The following SEMA3C variants were observed in gnomAD, a reference collection of about 807,000 sequenced individuals.
The protein encoded by SEMA3C is semaphorin-3C.
SEMA3C carries 47 observed loss-of-function variants against 89.4 expected under a neutral mutation model. The ratio of observed to expected loss-of-function variants is 0.53; its 90% confidence interval spans 0.42 to 0.67. The LOEUF is 0.67. Among genes scored for constraint, SEMA3C ranks in the 30% least tolerant of loss-of-function variants. The pLI is 0.00. For missense variants in SEMA3C, 839 were observed against 929.1 expected (o/e 0.90, Z 1.26); for synonymous variants, 310 against 320.2 (o/e 0.97, Z 0.34).
chr7:80,798,866 A>C (rs1789129552), intron 10 of SEMA3C, among the ~76,000 whole-genome samples: 1 of 152,196 alleles, frequency 6.6e-6, no homozygotes, highest in South Asian at 2.1e-4. Context: ...CCATTGTCCT[A>C]TGGCAGGTTG....
At chr7:80,745,735 CA>C (rs1188969117) in intron 17 of SEMA3C, among the ~76,000 whole-genome samples, 1 of 151,928 alleles carries the variant, frequency 6.6e-6, no homozygotes, top group Non-Finnish European at 1.5e-5. Flanking sequence ...AAATACTCGC[CA>C]GTGAAAACAT....
intron 2 of SEMA3C, among the ~76,000 whole-genome samples, chr7:80,912,655 A>G (rs2116244821): frequency 6.6e-6 from 1 of 152,290 alleles, no homozygotes; most frequent in Non-Finnish European, 1.5e-5. Context: ...TTTAATTGAA[A>G]CCATCATAAG....
intron 2 of SEMA3C, among the ~76,000 whole-genome samples, chr7:80,913,420 A>G (rs1393393030): frequency 1.3e-5 from 2 of 152,130 alleles, no homozygotes; most frequent in East Asian, 3.9e-4. Flanking sequence ...GAAAAGAAAA[A>G]ACAGGTAATC....
At chr7:80,810,402 A>G (rs886485502) in intron 6 of SEMA3C, among the ~76,000 whole-genome samples, 1 of 152,170 alleles carries the variant, frequency 6.6e-6, no homozygotes, top group Non-Finnish European at 1.5e-5. Flanking sequence ...GGGAATGACA[A>G]AACTGTCATA....
At chr7:80,863,471 T>C (rs181948630) in intron 2 of SEMA3C, among the ~76,000 whole-genome samples, 96 of 151,806 alleles carry the variant, frequency 6.3e-4, no homozygotes, top group African/African-American at 2.1e-3. Flanking sequence ...GAACTGAAAG[T>C]AGGACTACCA....
At chr7:80,758,521 T>C (rs1357114153) in intron 14 of SEMA3C, 33 bp from the exon 15 acceptor site, 2 of 1,605,694 alleles carry the variant, frequency 1.2e-6, no homozygotes, top group Non-Finnish European at 1.7e-6. Context: ...TTATTTCAGA[T>C]GTGGAAGTTA....
At chr7:80,782,470 G>C (rs1326033568) in intron 12 of SEMA3C, among the ~76,000 whole-genome samples, 1 of 152,092 alleles carries the variant, frequency 6.6e-6, no homozygotes, top group Non-Finnish European at 1.5e-5. Context: ...TTAATTCATA[G>C]TAAAATGAGA....
chr7:80,787,793 T>C (rs1480811751), intron 12 of SEMA3C, among the ~76,000 whole-genome samples: 1 of 151,964 alleles, frequency 6.6e-6, no homozygotes, highest in Non-Finnish European at 1.5e-5. Flanking sequence ...CTGGAGATGG[T>C]AGGATGAGAT....
intron 7 of SEMA3C, among the ~76,000 whole-genome samples, chr7:80,804,547 A>C (rs2115682535): frequency 6.6e-6 from 1 of 152,298 alleles, no homozygotes; most frequent in Non-Finnish European, 1.5e-5. Flanking sequence ...TTATTGAAAA[A>C]AAATATTTAT....
At chr7:80,820,342 G>A (rs912785239) in intron 4 of SEMA3C, among the ~76,000 whole-genome samples, 26 of 152,008 alleles carry the variant, frequency 1.7e-4, no homozygotes, top group African/African-American at 5.5e-4. Flanking sequence ...TTACAGGTGT[G>A]AGCCACCATG....
chr7:80,775,420 AAAAT>A (rs1418837354), intron 12 of SEMA3C, among the ~76,000 whole-genome samples: 3 of 152,256 alleles, frequency 2.0e-5, no homozygotes, highest in Middle Eastern at 3.4e-3. Flanking sequence ...TTTACTCTAA[AAAAT>A]AAATAAAAAA....
At chr7:80,902,421 T>A (rs932977410) in intron 2 of SEMA3C, among the ~76,000 whole-genome samples, 9 of 152,208 alleles carry the variant, frequency 5.9e-5, no homozygotes, top group African/African-American at 1.9e-4. Context: ...CCCTACAAAT[T>A]TTTTCAATTG....
At chr7:80,786,435 A>G (rs1788804072) in intron 12 of SEMA3C, among the ~76,000 whole-genome samples, 1 of 152,174 alleles carries the variant, frequency 6.6e-6, no homozygotes, top group Admixed American at 6.5e-5. Context: ...GTGGCATCAA[A>G]GTCCACCTTT....
At chr7:80,771,074 G>A (rs1326411580) in intron 12 of SEMA3C, among the ~76,000 whole-genome samples, 1 of 152,218 alleles carries the variant, frequency 6.6e-6, no homozygotes, top group African/African-American at 2.4e-5. Flanking sequence ...AGTAAGGTGT[G>A]TGGTCACTTT....
At chr7:80,881,203 ACACACACT>A (rs1265725050) in intron 2 of SEMA3C, among the ~76,000 whole-genome samples, 12 of 145,384 alleles carry the variant, frequency 8.3e-5, no homozygotes, top group African/African-American at 3.3e-4. Flanking sequence ...ACACACACAC[ACACACACT>A]CTCTCTCATG....
chr7:80,848,172 T>A (rs1393947158), intron 2 of SEMA3C, among the ~76,000 whole-genome samples: 1 of 152,204 alleles, frequency 6.6e-6, no homozygotes, highest in East Asian at 1.9e-4. Context: ...AATTAGATAT[T>A]CAGAATGAAA....
intron 13 of SEMA3C, among the ~76,000 whole-genome samples, chr7:80,761,947 G>T (rs1022597201): frequency 6.6e-6 from 1 of 151,718 alleles, no homozygotes; most frequent in African/African-American, 2.4e-5. Context: ...AAATTAGCCG[G>T]GCATGGTGGT....
upstream of SEMA3C, among the ~76,000 whole-genome samples, chr7:80,921,415 A>G (rs1792406939): frequency 1.3e-5 from 2 of 152,166 alleles, no homozygotes; most frequent in African/African-American, 4.8e-5. Context: ...CACAGAGTGG[A>G]ATTTTAACAG....
At chr7:80,791,299 A>C (rs1788935102) in intron 11 of SEMA3C, among the ~76,000 whole-genome samples, 1 of 152,192 alleles carries the variant, frequency 6.6e-6, no homozygotes, top group Admixed American at 6.5e-5. Context: ...AAGTTATATG[A>C]GAAAAACCAT....
Sources: gnomAD v4.1 joint callset for allele counts (sites outside exome capture counted in the v4.1 genomes callset) on GRCh38, gnomAD v4.1.1 for gene constraint, MANE v1.5 for transcripts, NCBI Gene and HGNC (gene_info 2026-07-23, HGNC 2026-07-21) for gene names.